The following MAN2A2 variants were observed in gnomAD, a reference collection of about 807,000 sequenced individuals.
MAN2A2 encodes mannosidase alpha class 2A member 2.
Under a neutral mutation model 126.8 loss-of-function variants are expected in MAN2A2, and 79 were observed. The observed-to-expected ratio is 0.62, with a 90% confidence interval of 0.52 to 0.75. The LOEUF is 0.75. Among genes scored for constraint, MAN2A2 ranks in the 30% least tolerant of loss-of-function variants. MAN2A2 has a pLI of 0.00. For missense variants in MAN2A2, 1,392 were observed against 1,522.4 expected, an observed-to-expected ratio of 0.91 and a Z score of 1.43; for synonymous variants, 671 against 618.7, an observed-to-expected ratio of 1.08 and a Z score of -1.25.
rs1044483958 is a variant in MAN2A2 at position 90,918,296 on chromosome 15, C to T, written c.3097C>T (p.Leu1033Phe). ...ALALPVARMQ[L>F]PGPGLRSFHP... is the part of the protein sequence containing the mutation. Reference sequence around the variant, plus strand: ...CGCTCTGCCTGTAGCCAGGATGCAGCTCCCAGGCCCTGGTCTGCGCTCATT... The same window carrying T: ...CGCTCTGCCTGTAGCCAGGATGCAGTTCCCAGGCCCTGGTCTGCGCTCATT... Residue 1033 changes from leucine (L) to phenylalanine (F), a missense_variant, in exon 21 of 23, where the codon CTC becomes TTC. Coordinates refer to ENST00000559717, the MANE Select transcript of MAN2A2 (RefSeq NM_006122.4). 1.2e-6 allele frequency: 2 copies of T among 1,614,086 alleles called. No individual in the cohort carries two copies. The highest frequency in any genetic ancestry group is 2.7e-5 in the African/African-American group (2 of 74,944).
chr15:90,906,997 T>C, intron 7 of MAN2A2, 84 bp downstream of exon 7: 4 of 1,517,062 alleles, frequency 2.6e-6, no homozygotes, highest in South Asian at 1.2e-5. Flanking sequence ...AGACCCCCAC[T>C]GTTCTTCAGA....
Position 90,909,414 on chromosome 15 carries a change from A to T in MAN2A2, c.1284A>T (p.Arg428=). ...TGGTGCCTCTTGGAGATGACTTCCG[A>T]TATGACAAGCCCCAGGAGTGGGATG... is the stretch of plus-strand genomic sequence containing the variant. ...VLLVPLGDDF[R]YDKPQEWDAQ... Residue 428 remains arginine, a synonymous_variant, in exon 9 of 23, where the codon CGA becomes CGT. Coordinates refer to ENST00000559717, the MANE Select transcript of MAN2A2 (RefSeq NM_006122.4). 1 of 1,614,086 alleles carries T rather than the reference A, an allele frequency of 6.2e-7. No homozygotes were observed. The highest frequency in any genetic ancestry group is 1.1e-5 in the South Asian group (1 of 91,072).
intron 8 of MAN2A2, 63 bp downstream of exon 8, chr15:90,907,558 G>T (rs1323319600): frequency 4.0e-6 from 6 of 1,505,406 alleles, no homozygotes; most frequent in Non-Finnish European, 9.0e-7. Flanking sequence ...GGTCTGGGCC[G>T]TGCCACGTGG....
At chr15:90,917,737 C>G (rs1282904283) in intron 20 of MAN2A2, 1 of 160,392 alleles carries the variant, frequency 6.2e-6, no homozygotes, top group East Asian at 1.8e-4. Context: ...GCTGGCAGAG[C>G]CCCGGCCGCG....
At position 90,920,490 on chromosome 15, in the gene MAN2A2, C is replaced by A. The variant is rs569098314; in HGVS notation, c.*703C>A. 3 of 152,406 alleles carry A rather than the reference C, an allele frequency of 2.0e-5. No homozygotes were observed. Among genetic ancestry groups the A allele is most frequent in the South Asian group, 4.1e-4 (2 of 4,830 alleles). The allele number at this position is 152,406 out of a possible 1,614,324, so 9.4% of individuals were successfully genotyped here. Reference sequence around the variant, plus strand: ...TCATAGGTCACTTCAGGTAGCAAGACCCCTGGCAAACTGGGCACTTGGCCT... The same window carrying A: ...TCATAGGTCACTTCAGGTAGCAAGAACCCTGGCAAACTGGGCACTTGGCCT... On this transcript the variant is annotated 3_prime_UTR_variant, in exon 23 of 23. Coordinates refer to ENST00000559717, the MANE Select transcript of MAN2A2 (RefSeq NM_006122.4).
intron 20 of MAN2A2, chr15:90,917,597 C>G (rs2151328588): frequency 6.5e-6 from 1 of 152,874 alleles, no homozygotes; most frequent in South Asian, 2.1e-4. Context: ...TTTAGCATTA[C>G]CTGGGAATGC....
rs2034809138 is a variant in MAN2A2, at chr15:90,912,204, C to T, written c.2271C>T (p.Asp757=). The part of the protein sequence containing the change: ...RHEAFPLRVI[D]SGTSDFALSN... ...AAGCGTTTCCTCTCCGTGTCATTGACTCTGGCACCAGCGACTTCGCCCTCA... is the reference window on the plus strand; with the variant it reads ...AAGCGTTTCCTCTCCGTGTCATTGATTCTGGCACCAGCGACTTCGCCCTCA... The change falls in exon 15 of 23, where the codon GAC becomes GAT. Residue 757 remains aspartate (D), a synonymous_variant. Transcript: ENST00000559717. 6.2e-7 allele frequency: 1 copy of T among 1,614,206 alleles called. No homozygotes were observed. Among genetic ancestry groups the T allele is most frequent in the Admixed American group, 1.7e-5 (1 of 60,038 alleles).
At position 90,913,776 on chromosome 15, in the gene MAN2A2, C is replaced by T. The variant is rs1214444271; in HGVS notation, c.2860+21C>T. The T allele has an allele frequency of 3.2e-6, 5 of 1,572,690 alleles. No homozygotes were observed. The Admixed American group carries it at 9.3e-5, about 29-fold the overall frequency. On this transcript the variant is annotated intron_variant, in intron 19 of 22. Transcript: ENST00000559717. Reference sequence around the variant, plus strand: ...AGATGGTGAGTAGGGCCCAGGAGTTCTGCAGAGGGTATCAGACAAAAAGAA... The same window carrying T: ...AGATGGTGAGTAGGGCCCAGGAGTTTTGCAGAGGGTATCAGACAAAAAGAA...
chr15:90,910,824 T>C (rs757823709), intron 11 of MAN2A2, 23 bp from the exon 12 acceptor site: 43 of 1,608,714 alleles, frequency 2.7e-5, no homozygotes, highest in Middle Eastern at 3.3e-4. Context: ...CTTCTCTCCT[T>C]CCCTCTCCTG....
In MAN2A2 at chr15:90,905,590, G is replaced by A; in HGVS notation, c.402G>A (p.Val134=). Reference sequence around the variant, plus strand: ...AGTTCACCTGGCAGATGCTCACTGTGTCGGAGGAGCTGCCGTTTGACAACG... The same window carrying A: ...AGTTCACCTGGCAGATGCTCACTGTATCGGAGGAGCTGCCGTTTGACAACG... The part of the protein sequence containing the change: ...GQKPELQMLT[V]SEELPFDNVD... Residue 134 remains valine, a synonymous_variant, in exon 4 of 23, where the codon GTG becomes GTA. Coordinates refer to ENST00000559717, the MANE Select transcript of MAN2A2 (RefSeq NM_006122.4). 6.2e-7 allele frequency: 1 copy of A among 1,614,210 alleles called. No homozygotes were observed.
intron 17 of MAN2A2, 56 bp downstream of exon 17, chr15:90,913,047 G>C (rs2034888502): frequency 7.0e-7 from 1 of 1,427,152 alleles, no homozygotes; most frequent in East Asian, 2.3e-5. Context: ...CACAACTGTG[G>C]CGTATTCTTC....
chr15:90,906,283 C>A, intron 5 of MAN2A2, 87 bp from the exon 6 acceptor site: 1 of 1,538,516 alleles, frequency 6.5e-7, no homozygotes, highest in Non-Finnish European at 8.9e-7. Flanking sequence ...TCCAGTGAGG[C>A]CAGTGCACAC....
chr15:90,915,449 C>T (rs1014690373), intron 19 of MAN2A2: 2 of 152,310 alleles, frequency 1.3e-5, no homozygotes, highest in African/African-American at 4.8e-5. Flanking sequence ...ACACATCAGC[C>T]ATGCACCGAG....
intron 19 of MAN2A2, 121 bp downstream of exon 19, chr15:90,913,876 C>T (rs2034973456): frequency 7.7e-7 from 1 of 1,302,990 alleles, no homozygotes; most frequent in Middle Eastern, 2.6e-4. Context: ...CACCTCCATG[C>T]TTGGAGAGGG....
intron 19 of MAN2A2, among the ~76,000 whole-genome samples, chr15:90,914,698 T>G (rs2035032936): frequency 6.6e-6 from 1 of 152,096 alleles, no homozygotes; most frequent in African/African-American, 2.4e-5. Flanking sequence ...TTTTCTATTT[T>G]TAGTAGAGAT....
rs1383677728 is a variant in MAN2A2, at chr15:90,918,675, C to T, written c.3220C>T (p.Leu1074Phe). The T allele has an allele frequency of 1.3e-6, 2 of 1,521,194 alleles. No homozygotes were observed. The highest frequency in any genetic ancestry group is 1.8e-6 in the Non-Finnish European group (2 of 1,095,956). 94.2% of individuals were successfully genotyped at this position (1,521,194 alleles called of 1,614,324 possible). ...EDTLPSAETA[L>F]ILHRKGFDCG... The stretch of plus-strand genomic sequence containing the variant: ...CACCCTACCCTCGGCGGAGACCGCA[C>T]TCATCTTACACCGCAAGGGTTTTGA... Residue 1074 changes from leucine to phenylalanine, a missense_variant, in exon 22 of 23, where the codon CTC (leucine) becomes TTC (phenylalanine). Physicochemically the swap from Leu to Phe is conservative, Grantham distance 22 (BLOSUM62 0). Coordinates refer to ENST00000559717, the MANE Select transcript of MAN2A2 (RefSeq NM_006122.4).
At position 90,920,212 on chromosome 15, in the gene MAN2A2, C is replaced by G. The variant is rs1411144852; in HGVS notation, c.*425C>G. On this transcript the variant is annotated 3_prime_UTR_variant, in exon 23 of 23. Coordinates refer to ENST00000559717, the MANE Select transcript of MAN2A2 (RefSeq NM_006122.4). ...TGGCAACAGCAGGCTCTAGGGGAAT[C>G]CTGTGGTTATGTAGAGACTCCATGT... 1 of 185,558 alleles carries G rather than the reference C, an allele frequency of 5.4e-6. No individual in the cohort carries two copies. The highest frequency in any genetic ancestry group is 1.1e-5 in the Non-Finnish European group (1 of 88,302). 11.5% of individuals were successfully genotyped at this position (185,558 alleles called of 1,614,324 possible).
chr15:90,903,939 C>T (rs535004230), intron 1 of MAN2A2: 2 of 505,850 alleles, frequency 4.0e-6, no homozygotes, highest in South Asian at 2.0e-5. Flanking sequence ...GCGCTCCAGT[C>T]GGAGCTGGGA....
Position 90,911,951 on chromosome 15 carries a change from G to A in MAN2A2, c.2110-92G>A, listed in dbSNP as rs976283326. 4 of 1,056,104 alleles carry A rather than the reference G, an allele frequency of 3.8e-6. No individual in the cohort carries two copies. In the African/African-American group the frequency reaches 6.2e-5, roughly 16 times the overall value. 65.4% of individuals were successfully genotyped at this position (1,056,104 alleles called of 1,614,324 possible). ...GGGCAGAGGCCCAGCGGGTGCAGGG[G>A]CTTGCTCAAGCCCTCTGTTAGTAAG... On this transcript the variant is annotated intron_variant, in intron 14 of 22. Coordinates refer to ENST00000559717, the MANE Select transcript of MAN2A2 (RefSeq NM_006122.4).
Sources: gnomAD v4.1 joint callset for allele counts (sites outside exome capture counted in the v4.1 genomes callset) on GRCh38, gnomAD v4.1.1 for gene constraint, MANE v1.5 for transcripts, NCBI Gene and HGNC (gene_info 2026-07-23, HGNC 2026-07-21) for gene names.